The following TGFBR3 variants were observed in gnomAD, a reference collection of about 807,000 sequenced individuals.
TGFBR3 encodes transforming growth factor beta receptor type 3.
In TGFBR3, 46 loss-of-function variants were observed where a neutral mutation model predicts 87.9. The observed-to-expected ratio is 0.52, with a 90% CI of 0.41 to 0.67. TGFBR3 has a LOEUF of 0.67. Ranked by LOEUF, TGFBR3 falls within the 30% of genes least tolerant of loss-of-function variation. TGFBR3 has a pLI of 0.00. For synonymous variants in TGFBR3, 381 were observed against 391.6 expected (o/e 0.97, Z 0.32); for missense variants, 866 against 1,041.9 (o/e 0.83, Z 2.32).
intron 1 of TGFBR3, among the ~76,000 whole-genome samples, chr1:91,878,239 G>C (rs906472168): frequency 6.8e-6 from 1 of 147,404 alleles, no homozygotes; most frequent in Non-Finnish European, 1.5e-5. Flanking sequence ...TTTGTGATTA[G>C]AATCTAAGTT....
At chr1:91,882,749 AAAAT>A (rs965977125) in intron 1 of TGFBR3, among the ~76,000 whole-genome samples, 11 of 152,280 alleles carry the variant, frequency 7.2e-5, no homozygotes, top group African/African-American at 2.6e-4. Flanking sequence ...TCCATCTCAA[AAAAT>A]AAATAAATAA....
chr1:91,707,881 G>C (rs926018028), intron 14 of TGFBR3, among the ~76,000 whole-genome samples: 1 of 152,158 alleles, frequency 6.6e-6, no homozygotes, highest in Non-Finnish European at 1.5e-5. Context: ...GCTGTGATGC[G>C]GGTCCTTGTC....
In TGFBR3 at chr1:91,861,589, C is replaced by T. The variant is rs773829664; in HGVS notation, c.-58G>A. On this transcript the variant is annotated 5_prime_UTR_variant, in exon 2 of 17. Transcript: ENST00000212355. ...CACTTCAGCCTGCTCAGAGCACAGA[C>T]AATCTTTGCAAATCAGAAGTAGTCT... 2.2e-6 allele frequency: 3 copies of T among 1,373,186 alleles called. No homozygotes were observed. The highest frequency in any genetic ancestry group is 1.4e-5 in the African/African-American group (1 of 70,072). 85.1% of individuals were successfully genotyped at this position (1,373,186 alleles called of 1,614,324 possible).
intron 2 of TGFBR3, among the ~76,000 whole-genome samples, chr1:91,798,966 C>T (rs1675494318): frequency 6.6e-6 from 1 of 152,178 alleles, no homozygotes; most frequent in African/African-American, 2.4e-5. Flanking sequence ...ATGCTTACTC[C>T]TCACACACTT....
At chr1:91,714,897 A>T (rs149934344) in intron 12 of TGFBR3, among the ~76,000 whole-genome samples, 1 of 152,354 alleles carries the variant, frequency 6.6e-6, no homozygotes, top group African/African-American at 2.4e-5. Flanking sequence ...AGAATGGGGG[A>T]GGGGCAGAAT....
intron 2 of TGFBR3, among the ~76,000 whole-genome samples, chr1:91,898,593 C>A (rs899232771): frequency 6.6e-6 from 1 of 152,084 alleles, no homozygotes; most frequent in African/African-American, 2.4e-5. Context: ...CCCGCCACCA[C>A]GCCCAGCTAA....
chr1:91,864,844 T>C (rs1678327512), intron 1 of TGFBR3, among the ~76,000 whole-genome samples: 1 of 152,320 alleles, frequency 6.6e-6, no homozygotes, highest in East Asian at 1.9e-4. Flanking sequence ...CATCAGGGAC[T>C]CCCAATCCTG....
chr1:91,757,716 A>C (rs1257577079), intron 4 of TGFBR3, among the ~76,000 whole-genome samples: 1 of 152,232 alleles, frequency 6.6e-6, no homozygotes, highest in African/African-American at 2.4e-5. Context: ...ATTCAACAAG[A>C]ACCTTTGAGT....
intron 16 of TGFBR3, among the ~76,000 whole-genome samples, chr1:91,685,543 C>G (rs1245645825): frequency 6.6e-6 from 1 of 151,996 alleles, no homozygotes. Flanking sequence ...AGGATGGTAT[C>G]GATCTCCTGA....
At chr1:91,838,156 C>T (rs1677125115) in intron 2 of TGFBR3, among the ~76,000 whole-genome samples, 1 of 152,064 alleles carries the variant, frequency 6.6e-6, no homozygotes, top group Admixed American at 6.6e-5. Flanking sequence ...GAAAAGATTC[C>T]CCTACTAAGA....
chr1:91,862,425 C>G (rs1013559753), intron 1 of TGFBR3, among the ~76,000 whole-genome samples: 1 of 152,130 alleles, frequency 6.6e-6, no homozygotes, highest in African/African-American at 2.4e-5. Flanking sequence ...CATAAAAAGG[C>G]AAGGTTCTTA....
At chr1:91,689,931 C>T (rs567374156) in intron 16 of TGFBR3, among the ~76,000 whole-genome samples, 1 of 146,328 alleles carries the variant, frequency 6.8e-6, no homozygotes, top group African/African-American at 2.5e-5. Context: ...TTTCCCAAAT[C>T]TTACCAGAAT....
At chr1:91,829,566 A>T (rs1676777538) in intron 2 of TGFBR3, among the ~76,000 whole-genome samples, 1 of 152,138 alleles carries the variant, frequency 6.6e-6, no homozygotes, top group Non-Finnish European at 1.5e-5. Flanking sequence ...AGAACATAGC[A>T]GTCCCCTCAA....
At chr1:91,712,176 G>T in intron 13 of TGFBR3, 67 bp downstream of exon 13, 1 of 1,468,176 alleles carries the variant, frequency 6.8e-7, no homozygotes, top group Non-Finnish European at 9.4e-7. Flanking sequence ...AAGACCTTGG[G>T]ATTAAACTTT....
intron 2 of TGFBR3, among the ~76,000 whole-genome samples, chr1:91,852,635 C>T (rs572962463): frequency 1.3e-5 from 2 of 152,204 alleles, no homozygotes; most frequent in South Asian, 4.1e-4. Context: ...GGCGCCATCT[C>T]GGCTCACCGC....
intron 1 of TGFBR3, among the ~76,000 whole-genome samples, chr1:91,885,416 G>A (rs1193842014): frequency 6.6e-6 from 1 of 151,978 alleles, no homozygotes; most frequent in Non-Finnish European, 1.5e-5. Flanking sequence ...CCCTGAGGGC[G>A]CGGCCAGCGG....
At chr1:91,811,828 T>C (rs896843516) in intron 2 of TGFBR3, among the ~76,000 whole-genome samples, 5 of 151,974 alleles carry the variant, frequency 3.3e-5, no homozygotes, top group African/African-American at 1.2e-4. Flanking sequence ...CATACATCTG[T>C]ATCTGACAAA....
intron 2 of TGFBR3, among the ~76,000 whole-genome samples, chr1:91,846,882 G>A (rs982127836): frequency 1.3e-5 from 2 of 152,036 alleles, no homozygotes; most frequent in African/African-American, 4.8e-5. Context: ...CCACATGCAT[G>A]GACAGCAACA....
Position 91,875,792 on chromosome 1 carries a change from G to GA in TGFBR3, c.-114+10085_-114+10086insT, listed in dbSNP as rs1278963893. 5.2e-5 allele frequency among the ~76,000 whole-genome samples: 3 copies of GA among 57,854 alleles called. 1 individual carries two copies. In the East Asian group the frequency reaches 1.8e-3, roughly 34 times the overall value. The allele number at this position is 57,854 out of a possible 152,430, so 38.0% of individuals were successfully genotyped here. On this transcript the variant is annotated intron_variant, in intron 1 of 16. Transcript: ENST00000212355. ...AATCCCAGCTACTCGGGCGGGGGGG[G>GA]GGGGTGGGAGTGTGCAGCTGAGGGA... is the stretch of plus-strand genomic sequence containing the variant.
Sources: gnomAD v4.1 joint callset for allele counts (sites outside exome capture counted in the v4.1 genomes callset) on GRCh38, gnomAD v4.1.1 for gene constraint, MANE v1.5 for transcripts, NCBI Gene and HGNC (gene_info 2026-07-23, HGNC 2026-07-21) for gene names.